The following ADAMTS9 variants were observed in gnomAD, a reference collection of about 807,000 sequenced individuals.
The protein encoded by ADAMTS9 is ADAM metallopeptidase with thrombospondin type 1 motif 9.
ADAMTS9 carries 107 observed loss-of-function variants against 257.1 expected under a neutral mutation model. That is an observed-to-expected ratio of 0.42 (90% CI 0.36 to 0.49). The LOEUF is 0.49. Ranked by LOEUF, ADAMTS9 falls within the 20% of genes least tolerant of loss-of-function variation. ADAMTS9 has a pLI of 0.03. For synonymous variants in ADAMTS9, 982 were observed against 880.9 expected (o/e 1.11, Z -2.03); for missense variants, 2,353 against 2,469.1 (o/e 0.95, Z 1.00).
chr3:64,568,866 T>C, intron 28 of ADAMTS9: 1 of 229,784 alleles, frequency 4.4e-6, no homozygotes, highest in South Asian at 7.3e-5. Flanking sequence ...TACTATGAAA[T>C]AGTGATATAT....
At chr3:64,546,180 A>AT (rs888027912) in intron 32 of ADAMTS9, among the ~76,000 whole-genome samples, 3 of 152,140 alleles carry the variant, frequency 2.0e-5, no homozygotes, top group African/African-American at 7.2e-5. Context: ...AGTGCTTTTT[A>AT]TATATAGGCT....
rs1701142228 is a variant in ADAMTS9 at position 64,658,585 on chromosome 3, C to T, written c.886G>A (p.Glu296Lys). The change falls in exon 4 of 40, where the codon GAA (glutamate) becomes AAA (lysine). Residue 296 changes from glutamate (E) to lysine (K), a missense_variant. Physicochemically the swap from Glu to Lys is moderately conservative, Grantham distance 56 (BLOSUM62 1). Around this residue, in one of 3 missense-constraint regions of ADAMTS9, gnomAD observed 591 missense variants for 569.6 expected, o/e 1.04. Transcript: ENST00000498707. ...KRFLSYPRFV[E>K]VLVVADNRMV... ...CTGTTGTCTGCCACCACCAAGACTT[C>T]TACAAACCGTGGATAGGATAAAAAA... 6.2e-7 allele frequency: 1 copy of T among 1,614,188 alleles called. No individual in the cohort carries two copies. Among genetic ancestry groups the T allele is most frequent in the Non-Finnish European group, 8.5e-7 (1 of 1,180,032 alleles).
At position 64,658,409 on chromosome 3, in the gene ADAMTS9, T is replaced by C. The variant is rs373359738; in HGVS notation, c.969+93A>G. 9.8e-6 allele frequency: 13 copies of C among 1,331,062 alleles called. No homozygotes were observed. The African/African-American group carries it at 1.8e-4, about 18-fold the overall frequency. The allele number at this position is 1,331,062 out of a possible 1,614,324, so 82.5% of individuals were successfully genotyped here. On this transcript the variant is annotated intron_variant, in intron 4 of 39. Coordinates refer to ENST00000498707, the MANE Select transcript of ADAMTS9 (RefSeq NM_182920.2). ...CTTGCCTGAATGGCTGAAATGCCAG[T>C]TCTGAATGGTCCTCCAAAGCACTGA...
rs369966338 is a variant in ADAMTS9, at chr3:64,613,476, G to A, written c.3223C>T (p.Arg1075Cys). ...LVTCGKGHKH[R>C]QVWCQFGEDR... ...TCACCAAACTGACACCAGACCTGGC[G>A]GTGCTTATGCCCTTTTCCACAGGTG... Residue 1075 changes from arginine to cysteine, a missense_variant, in exon 22 of 40, where the codon CGC becomes TGC. Arg to Cys is a radical substitution (Grantham distance 180). Around this residue, in one of 3 missense-constraint regions of ADAMTS9, gnomAD observed 1,402 missense variants for 1,441.4 expected, o/e 0.97. Coordinates refer to ENST00000498707, the MANE Select transcript of ADAMTS9 (RefSeq NM_182920.2). 12 of 1,613,662 alleles carry A rather than the reference G, an allele frequency of 7.4e-6. No homozygotes were observed. Among genetic ancestry groups the A allele is most frequent in the Middle Eastern group, 3.3e-4 (2 of 6,066 alleles).
In ADAMTS9 at chr3:64,541,748, T is replaced by A. The variant is rs144651751; in HGVS notation, c.5197+90A>T. ...GCGAATGATTTCCTTCAGAAAAAAT[T>A]CTATATTTCTAAAAAGGGCAGGCAA... On this transcript the variant is annotated intron_variant, in intron 33 of 39. Transcript: ENST00000498707. 2,761 of 1,578,460 alleles carry A rather than the reference T, an allele frequency of 1.7e-3. 41 individuals are homozygous for A. The African/African-American group carries it at 0.034, about 19-fold the overall frequency.
intron 22 of ADAMTS9, among the ~76,000 whole-genome samples, chr3:64,612,212 A>T (rs1436628159): frequency 6.6e-6 from 1 of 152,214 alleles, no homozygotes; most frequent in Admixed American, 6.5e-5. Context: ...AGGAAAAAAA[A>T]AGATCTCTAA....
intron 19 of ADAMTS9, 129 bp downstream of exon 19, chr3:64,620,985 G>A: frequency 1.7e-6 from 2 of 1,198,000 alleles, no homozygotes; most frequent in Non-Finnish European, 2.3e-6. Flanking sequence ...ATTGGTTAAA[G>A]CTTATTTCAC....
intron 30 of ADAMTS9, among the ~76,000 whole-genome samples, chr3:64,553,063 T>C (rs2083290229): frequency 6.6e-6 from 1 of 152,142 alleles, no homozygotes; most frequent in Non-Finnish European, 1.5e-5. Flanking sequence ...ACACAAAATA[T>C]AAAATTCACC....
chr3:64,546,739 T>G lies in ADAMTS9; in HGVS notation c.5064+19A>C. 1.3e-6 allele frequency: 2 copies of G among 1,566,246 alleles called. No individual in the cohort carries two copies. Among genetic ancestry groups the G allele is most frequent in the Non-Finnish European group, 1.7e-6 (2 of 1,157,606 alleles). On this transcript the variant is annotated intron_variant, in intron 32 of 39. Transcript: ENST00000498707. Reference sequence around the variant, plus strand: ...AGATCCAAGGGCTTTCAGATTTGAGTGCTCAGTCTTCTACTTACGCTCCCC... The same window carrying G: ...AGATCCAAGGGCTTTCAGATTTGAGGGCTCAGTCTTCTACTTACGCTCCCC...
chr3:64,524,513 T>A (rs1476176987), intron 38 of ADAMTS9, among the ~76,000 whole-genome samples: 1 of 152,232 alleles, frequency 6.6e-6, no homozygotes, highest in African/African-American at 2.4e-5. Context: ...TCTATTTTGA[T>A]AATAGAGAAC....
In ADAMTS9 at chr3:64,641,930, C is replaced by T; in HGVS notation, c.1774G>A (p.Gly592Arg). Residue 592 changes from glycine (G) to arginine (R), a missense_variant, in exon 12 of 40, where the codon GGA (glycine) becomes AGA (arginine). Around this residue, in one of 3 missense-constraint regions of ADAMTS9, gnomAD observed 360 missense variants for 458.1 expected, o/e 0.79. Transcript: ENST00000498707. Reference protein sequence around the residue: ...MDVPVTDGSWGSWSPFGTCSR... With the variant: ...MDVPVTDGSWRSWSPFGTCSR... The stretch of plus-strand genomic sequence containing the variant: ...CAGGTTCCAAAGGGACTCCAACTTC[C>T]CCAGGATCCATCTGTCACGGGGACA... 1 of 1,614,118 alleles carries T rather than the reference C, an allele frequency of 6.2e-7. No individual in the cohort carries two copies.
chr3:64,551,742 C>T (rs1326441937), intron 30 of ADAMTS9, among the ~76,000 whole-genome samples: 1 of 152,170 alleles, frequency 6.6e-6, no homozygotes, highest in African/African-American at 2.4e-5. Context: ...CAGTACCTTC[C>T]CAGATAGCCA....
intron 28 of ADAMTS9, among the ~76,000 whole-genome samples, chr3:64,593,961 ATGTGTGTG>A (rs200112357): frequency 1.7e-3 from 188 of 108,310 alleles, no homozygotes; most frequent in Middle Eastern, 4.6e-3. Flanking sequence ...TGTGTGTATG[ATGTGTGTG>A]TGTGTGTGTG....
chr3:64,524,539 T>A (rs2082886934), intron 38 of ADAMTS9, among the ~76,000 whole-genome samples: 1 of 152,224 alleles, frequency 6.6e-6, no homozygotes, highest in Non-Finnish European at 1.5e-5. Flanking sequence ...TTAAGCGAAA[T>A]ATTTTCCTCC....
At chr3:64,638,594 T>C (rs148589513) in intron 12 of ADAMTS9, among the ~76,000 whole-genome samples, 29 of 152,166 alleles carry the variant, frequency 1.9e-4, no homozygotes, top group African/African-American at 6.5e-4. Flanking sequence ...TGGATCAAAA[T>C]TGAGATTAAA....
intron 19 of ADAMTS9, among the ~76,000 whole-genome samples, chr3:64,619,382 G>A (rs1037516399): frequency 2.0e-4 from 31 of 152,214 alleles, no homozygotes; most frequent in African/African-American, 6.5e-4. Context: ...AACACTCATC[G>A]TTATAACTGA....
rs1701050260 is a variant in ADAMTS9, at chr3:64,655,656, T to A, written c.1089A>T (p.Thr363=). 1 of 1,614,096 alleles carries A rather than the reference T, an allele frequency of 6.2e-7. No homozygotes were observed. Among genetic ancestry groups the A allele is most frequent in the African/African-American group, 1.3e-5 (1 of 74,926 alleles). ...GPSISFNAQT[T]LKNFCQWQHS... ...GCTGCCACTGGCAAAAGTTTTTTAA[T>A]GTTGTCTGAGCATTAAAAGATATGG... Residue 363 remains threonine (T), a synonymous_variant, in exon 6 of 40, where the codon ACA becomes ACT. Transcript: ENST00000498707.
intron 18 of ADAMTS9, among the ~76,000 whole-genome samples, chr3:64,621,798 A>AG (rs201647720): frequency 0.013 from 1,953 of 150,698 alleles, 60 homozygotes; most frequent in African/African-American, 0.044. Context: ...AAAAATAAAA[A>AG]GAAAAGAAAA....
intron 11 of ADAMTS9, among the ~76,000 whole-genome samples, chr3:64,643,642 C>A (rs1700715554): frequency 6.6e-6 from 1 of 151,480 alleles, no homozygotes; most frequent in Non-Finnish European, 1.5e-5. Flanking sequence ...TTTATAGAGA[C>A]AGTTAGGGGT....
Sources: allele counts gnomAD v4.1 joint callset (sites outside exome capture counted in the v4.1 genomes callset), GRCh38; gene constraint gnomAD v4.1.1; regional missense constraint gnomAD v4.1.1; transcripts MANE v1.5; gene names NCBI Gene and HGNC (gene_info 2026-07-23, HGNC 2026-07-21).